The following NBPF15 variants were observed in gnomAD, a reference collection of about 807,000 sequenced individuals.
NBPF15 encodes NBPF member 15.
In NBPF15, 74 loss-of-function variants were observed where a neutral mutation model predicts 62.2. That is an observed-to-expected ratio of 1.19 (90% confidence interval 0.99 to 1.44). NBPF15 has a LOEUF of 1.44. Ranked by LOEUF, NBPF15 falls within the 40% of genes most tolerant of loss-of-function variation. The pLI is 0.00. For synonymous variants in NBPF15, 244 were observed against 209.7 expected, an observed-to-expected ratio of 1.16 and a Z score of -1.41; for missense variants, 790 against 550.0, an observed-to-expected ratio of 1.44 and a Z score of -4.36.
chr1:144,426,507 C>G (rs2101660441), intron 17 of NBPF15, 57 bp from the exon 18 acceptor site: 4 of 784,706 alleles, frequency 5.1e-6, no homozygotes, highest in Admixed American at 3.4e-5. Context: ...ACCACACAGC[C>G]CCAGCTAGAT....
chr1:144,426,377 G>C lies in NBPF15; in HGVS notation c.1339C>G (p.Pro447Ala), dbSNP rs1553539248. The C allele has an allele frequency of 4.5e-6, 4 of 883,902 alleles. No individual in the cohort carries two copies. The highest frequency in any genetic ancestry group is 2.4e-5 in the East Asian group (1 of 41,412). The allele number at this position is 883,902 out of a possible 1,614,324, so 54.8% of individuals were successfully genotyped here. ...TCAGGCAGTTCAAGATAATCTGAAG[G>C]AGTCGAATAACATCTATCCAGTGAG... ...QDSLDRCYST[P>A]SDYLELPDLG... The change falls in exon 18 of 22, where the codon CCT (proline) becomes GCT (alanine). Residue 447 changes from proline to alanine, a missense_variant. By Grantham distance (27) the Pro-to-Ala change is conservative (BLOSUM62 -1). Transcript: ENST00000581897.
At chr1:144,429,096 G>T (rs1408869213) in intron 14 of NBPF15, among the ~76,000 whole-genome samples, 1 of 151,884 alleles carries the variant, frequency 6.6e-6, no homozygotes, top group Non-Finnish European at 1.5e-5. Context: ...ATGAAACTTG[G>T]TTCTACACAG....
intron 21 of NBPF15, 46 bp from the exon 22 acceptor site, chr1:144,423,302 C>A (rs782647036): frequency 1.3e-5 from 21 of 1,611,110 alleles, no homozygotes; most frequent in South Asian, 6.6e-5. Context: ...GAAAATCAGA[C>A]ACCACAGAGC....
In NBPF15 at chr1:144,435,120, T is replaced by A; in HGVS notation, c.763A>T (p.Ile255Phe). Reference protein sequence around the residue: ...SHVEWEDAVHIIPENESDDEE... With the variant: ...SHVEWEDAVHFIPENESDDEE... ...GGAAAACAGAGGCTACCTGGAATAA[T>A]GTGTACAGCATCCTCCCATTCAACA... Residue 255 changes from isoleucine (I) to phenylalanine (F), a missense_variant, in exon 12 of 22, where the codon ATT (isoleucine) becomes TTT (phenylalanine). Physicochemically the swap from Ile to Phe is conservative, Grantham distance 21. Coordinates refer to ENST00000581897, the MANE Select transcript of NBPF15 (RefSeq NM_001385408.1). 1 of 1,612,796 alleles carries A rather than the reference T, an allele frequency of 6.2e-7. No homozygotes were observed. Among genetic ancestry groups the A allele is most frequent in the Non-Finnish European group, 8.5e-7 (1 of 1,179,744 alleles).
chr1:144,426,311 C>T lies in NBPF15; in HGVS notation c.1405G>A (p.Glu469Lys), dbSNP rs1472805356. The T allele has an allele frequency of 1.4e-5, 10 of 726,986 alleles. No individual in the cohort carries two copies. The Admixed American group carries it at 1.7e-4, about 13-fold the overall frequency. 45.0% of individuals were successfully genotyped at this position (726,986 alleles called of 1,614,324 possible). The change falls in exon 18 of 22, where the codon GAA (glutamate) becomes AAA (lysine). Residue 469 changes from glutamate to lysine, a missense_variant. Glu to Lys is a moderately conservative substitution (Grantham distance 56). Transcript: ENST00000581897. ...PYSSAVYSLE[E>K]QYLGLALDVD... ...TCAAGAGCCAAGCCAAGGTACTGTTCCTCCAATGAGTAAACAGCACTGCTG... is the reference window on the plus strand; with the variant it reads ...TCAAGAGCCAAGCCAAGGTACTGTTTCTCCAATGAGTAAACAGCACTGCTG...
At chr1:144,445,286 A>G (rs1686570024) in intron 6 of NBPF15, among the ~76,000 whole-genome samples, 2 of 140,322 alleles carry the variant, frequency 1.4e-5, no homozygotes, top group Admixed American at 1.5e-4. Flanking sequence ...ATATATATAT[A>G]TATATATATA....
At chr1:144,444,306 G>T (rs1685677412) in intron 6 of NBPF15, among the ~76,000 whole-genome samples, 1 of 150,226 alleles carries the variant, frequency 6.7e-6, no homozygotes, top group African/African-American at 2.5e-5. Flanking sequence ...TTATACAAAG[G>T]CTGGAATGTA....
chr1:144,458,285 T>C (rs201047275), intron 3 of NBPF15, among the ~76,000 whole-genome samples: 1 of 151,898 alleles, frequency 6.6e-6, no homozygotes, highest in South Asian at 2.1e-4. Context: ...ATTGTAAAAA[T>C]TGTAAAAAAG....
intron 2 of NBPF15, among the ~76,000 whole-genome samples, chr1:144,460,070 T>C (rs1308602273): frequency 3.5e-5 from 3 of 85,364 alleles, no homozygotes; most frequent in Non-Finnish European, 6.2e-5. Flanking sequence ...GGAGACAGGG[T>C]CTCACTCTGC....
rs1327948232 is a variant in NBPF15 at position 144,426,810 on chromosome 1, C to T, written c.1265+237G>A. Among the ~76,000 whole-genome samples the T allele has an allele frequency of 9.3e-5, 14 of 150,966 alleles. 1 individual carries two copies. The highest frequency in any genetic ancestry group is 3.4e-4 in the African/African-American group (14 of 40,948). ...ATTTTCCATAAACTTGCTCAAGATTCCATGCAGTTGCCATACAGCCTTTGA... is the reference window on the plus strand; with the variant it reads ...ATTTTCCATAAACTTGCTCAAGATTTCATGCAGTTGCCATACAGCCTTTGA... On this transcript the variant is annotated intron_variant, in intron 17 of 21. Transcript: ENST00000581897.
At chr1:144,442,206 ATTAATATATATAAT>A (rs1683804637) in intron 6 of NBPF15, among the ~76,000 whole-genome samples, 2 of 102,036 alleles carry the variant, frequency 2.0e-5, no homozygotes, top group Non-Finnish European at 3.7e-5. Context: ...TATATATATT[ATTAATATATATAAT>A]ATATATATTA....
chr1:144,436,500 C>T (rs9438317), intron 10 of NBPF15, among the ~76,000 whole-genome samples: 1,855 of 152,034 alleles, frequency 0.012, 39 homozygotes, highest in African/African-American at 0.042. Context: ...GAGAGAGAAA[C>T]TCAGGAAGGA....
intron 13 of NBPF15, among the ~76,000 whole-genome samples, chr1:144,433,421 G>T (rs1675961294): frequency 6.6e-6 from 1 of 151,054 alleles, no homozygotes; most frequent in South Asian, 2.1e-4. Context: ...AAATTCAAAA[G>T]CTAGCAGAAG....
At chr1:144,424,122 G>A (rs1214311417) in intron 20 of NBPF15, 147 bp from the exon 21 acceptor site, 3 of 730,302 alleles carry the variant, frequency 4.1e-6, no homozygotes, top group Non-Finnish European at 7.4e-6. Context: ...AGGTCTGAAG[G>A]CTGGTCATGA....
At chr1:144,424,215 C>T (rs587696375) in intron 20 of NBPF15, among the ~76,000 whole-genome samples, 8 of 151,990 alleles carry the variant, frequency 5.3e-5, no homozygotes, top group African/African-American at 1.9e-4. Flanking sequence ...AACATTTGTC[C>T]CAAGTTTGTG....
At chr1:144,428,513 A>AAAATCATTAT (rs1298045703) in intron 15 of NBPF15, 93 bp downstream of exon 15, 1 of 778,888 alleles carries the variant, frequency 1.3e-6, no homozygotes, top group African/African-American at 1.7e-5. Flanking sequence ...CTGACAAGAC[A>AAAATCATTAT]AAATCATTAT....
At chr1:144,423,394 T>A (rs587762003) in intron 21 of NBPF15, 138 bp from the exon 22 acceptor site, 25,321 of 1,490,774 alleles carry the variant, frequency 0.017, 219 homozygotes, top group Non-Finnish European at 0.02. Flanking sequence ...AAAAAAAAAA[T>A]TTATTGCCTT....
At chr1:144,453,638 CAAA>C (rs200525708) in intron 4 of NBPF15, among the ~76,000 whole-genome samples, 17 of 36,406 alleles carry the variant, frequency 4.7e-4, no homozygotes, top group South Asian at 2.7e-3. Flanking sequence ...CAACACAAAG[CAAA>C]AAAAAAAAAA....
intron 4 of NBPF15, 98 bp downstream of exon 4, chr1:144,456,439 G>A (rs1303554721): frequency 7.2e-6 from 6 of 829,280 alleles, no homozygotes; most frequent in East Asian, 6.0e-5. Flanking sequence ...AAGGCCCTGC[G>A]ATGTTTAGGG....
Sources: allele counts gnomAD v4.1 joint callset (sites outside exome capture counted in the v4.1 genomes callset), GRCh38; gene constraint gnomAD v4.1.1; transcripts MANE v1.5; gene names NCBI Gene and HGNC (gene_info 2026-07-23, HGNC 2026-07-21).